The following ZNF280B variants were observed in gnomAD, a reference collection of about 807,000 sequenced individuals.
The protein encoded by ZNF280B is zinc finger protein 280B, also known as suppressor of hairy wing homolog 2.
A neutral mutation model predicts 38.0 loss-of-function variants in ZNF280B; 16 were observed. The ratio of observed to expected loss-of-function variants is 0.42; its 90% confidence interval spans 0.28 to 0.64. ZNF280B has a LOEUF of 0.64. Among genes scored for constraint, ZNF280B ranks in the 30% least tolerant of loss-of-function variants. The pLI is 0.21. For synonymous variants in ZNF280B, 253 were observed against 230.6 expected, an observed-to-expected ratio of 1.10 and a Z score of -0.88; for missense variants, 581 against 639.6, an observed-to-expected ratio of 0.91 and a Z score of 0.99.
Position 22,489,196 on chromosome 22 carries a change from G to A in ZNF280B, c.203C>T (p.Ser68Leu), listed in dbSNP as rs955301387. ...SNILNRVTPG[S>L]WSRRKKYDHL... ...ATCATACTTTTTTCTCCTTGACCAT[G>A]AACCCGGGGTGACTCTGTTCAAAAT... The change falls in exon 4 of 4, where the codon TCA (serine) becomes TTA (leucine). Residue 68 changes from serine (S) to leucine (L), a missense_variant. Physicochemically the swap from Ser to Leu is moderately radical, Grantham distance 145. Transcript: ENST00000626650. The A allele has an allele frequency of 8.1e-6, 13 of 1,613,612 alleles. No individual in the cohort carries two copies. Among genetic ancestry groups the A allele is most frequent in the Non-Finnish European group, 1.0e-5 (12 of 1,179,934 alleles).
intron 2 of ZNF280B, among the ~76,000 whole-genome samples, chr22:22,496,637 G>A (rs560870344): frequency 2.0e-4 from 31 of 151,710 alleles, no homozygotes; most frequent in African/African-American, 7.0e-4. Context: ...TATTTGTGGG[G>A]GTGGGGGACA....
intron 2 of ZNF280B, among the ~76,000 whole-genome samples, chr22:22,497,868 T>G (rs368997027): frequency 6.6e-6 from 1 of 151,924 alleles, no homozygotes. Context: ...CAAATCTAAG[T>G]ATACACTCAA....
Position 22,488,375 on chromosome 22 carries a change from G to A in ZNF280B, c.1024C>T (p.His342Tyr). 6.2e-7 allele frequency: 1 copy of A among 1,613,866 alleles called. No individual in the cohort carries two copies. Among genetic ancestry groups the A allele is most frequent in the Non-Finnish European group, 8.5e-7 (1 of 1,179,972 alleles). ...CGGTGGCAGTGCTGGCAGGTGGTGT[G>A]GTTTTCCCAGCTGTCGTTCCTCTGC... ...EKQRNDSWEN[H>Y]TTCQHCHRQF... Residue 342 changes from histidine to tyrosine, a missense_variant, in exon 4 of 4, where the codon CAC becomes TAC. Physicochemically the swap from His to Tyr is moderately conservative, Grantham distance 83. Transcript: ENST00000626650.
At chr22:22,504,669 T>C (rs1487120609) in intron 2 of ZNF280B, among the ~76,000 whole-genome samples, 1 of 152,010 alleles carries the variant, frequency 6.6e-6, no homozygotes, top group East Asian at 2.0e-4. Context: ...TGATGTTTGC[T>C]ATTTTAGTGG....
chr22:22,490,618 C>T (rs950570733), intron 3 of ZNF280B, among the ~76,000 whole-genome samples: 1 of 151,846 alleles, frequency 6.6e-6, no homozygotes, highest in Non-Finnish European at 1.5e-5. Context: ...CAGGCATGCA[C>T]CACCACACCC....
rs2061522823 is a variant in ZNF280B, at chr22:22,487,871, G to A, written c.1528C>T (p.Leu510Phe). ...GCTACATCCACTGATCCTGGCTGAA[G>A]AGGTTCCAGCGACACTTGAATAGTA... ...KVTIQVSLEP[L>F]QPGSVDVASI... The change falls in exon 4 of 4, where the codon CTT (leucine) becomes TTT (phenylalanine). Residue 510 changes from leucine to phenylalanine, a missense_variant. Leu to Phe is a conservative substitution (Grantham distance 22, BLOSUM62 0). Coordinates refer to ENST00000626650, the MANE Select transcript of ZNF280B (RefSeq NM_080764.4). The A allele has an allele frequency of 6.2e-7, 1 of 1,613,864 alleles. No homozygotes were observed. Among genetic ancestry groups the A allele is most frequent in the Non-Finnish European group, 8.5e-7 (1 of 1,179,934 alleles).
intron 2 of ZNF280B, among the ~76,000 whole-genome samples, chr22:22,497,208 TAAAAAAAAAAAAAA>T (rs71199486): frequency 0.021 from 700 of 33,556 alleles, 17 homozygotes; most frequent in African/African-American, 0.032. Flanking sequence ...TCTCCATCTT[TAAAAAAAAAAAAAA>T]AAAAAAAAAA....
rs200816739 is a variant in ZNF280B at position 22,488,011 on chromosome 22, G to A, written c.1388C>T (p.Ser463Phe). 1 of 1,613,472 alleles carries A rather than the reference G, an allele frequency of 6.2e-7. No homozygotes were observed. The highest frequency in any genetic ancestry group is 8.5e-7 in the Non-Finnish European group (1 of 1,179,860). The change falls in exon 4 of 4, where the codon TCC becomes TTC. Residue 463 changes from serine (S) to phenylalanine (F), a missense_variant. Physicochemically the swap from Ser to Phe is radical, Grantham distance 155 (BLOSUM62 -2). Coordinates refer to ENST00000626650, the MANE Select transcript of ZNF280B (RefSeq NM_080764.4). ...AGTTAAAAACTGTAGCCGGCACTTG[G>A]AACACTGGTGTGCACTCTTTCCCCA... ...GHWGKSAHQC[S>F]KCRLQFLTFK...
chr22:22,490,319 G>A (rs908608580), intron 3 of ZNF280B, among the ~76,000 whole-genome samples: 1 of 151,772 alleles, frequency 6.6e-6, no homozygotes, highest in Non-Finnish European at 1.5e-5. Context: ...ACCCTCAAAC[G>A]GCTTTCTGAT....
intron 2 of ZNF280B, among the ~76,000 whole-genome samples, chr22:22,504,561 G>C (rs1355484595): frequency 6.6e-6 from 1 of 151,956 alleles, no homozygotes; most frequent in Admixed American, 6.6e-5. Context: ...AACTGAGCTG[G>C]TGGGAGGGAT....
intron 2 of ZNF280B, among the ~76,000 whole-genome samples, chr22:22,502,913 A>G (rs1029479010): frequency 6.6e-5 from 10 of 152,000 alleles, no homozygotes; most frequent in Non-Finnish European, 1.2e-4. Context: ...GGTGGGCCCT[A>G]AATGCCACCA....
chr22:22,501,977 C>G (rs113992096), intron 2 of ZNF280B, among the ~76,000 whole-genome samples: 15 of 151,236 alleles, frequency 9.9e-5, no homozygotes, highest in African/African-American at 3.6e-4. Context: ...CATCATGGCA[C>G]ACGCCTGTAG....
chr22:22,493,593 C>T (rs1450525275), intron 3 of ZNF280B, among the ~76,000 whole-genome samples: 1 of 151,900 alleles, frequency 6.6e-6, no homozygotes, highest in Non-Finnish European at 1.5e-5. Flanking sequence ...CCTTATAAGC[C>T]ATTTTAAATA....
At chr22:22,507,302 AT>A (rs916775340) in intron 2 of ZNF280B, among the ~76,000 whole-genome samples, 22 of 151,782 alleles carry the variant, frequency 1.4e-4, no homozygotes, top group Admixed American at 5.3e-4. Flanking sequence ...GAGGTAATAA[AT>A]TTTTTTTTAA....
chr22:22,502,756 A>G (rs1675226925), intron 2 of ZNF280B, among the ~76,000 whole-genome samples: 1 of 152,008 alleles, frequency 6.6e-6, no homozygotes, highest in Non-Finnish European at 1.5e-5. Flanking sequence ...AGCAGCTGCC[A>G]TGGGCTCGAT....
Position 22,487,880 on chromosome 22 carries a change from G to A in ZNF280B, c.1519C>T (p.Leu507=). Residue 507 remains leucine, a synonymous_variant, in exon 4 of 4, where the codon CTG becomes TTG. Coordinates refer to ENST00000626650, the MANE Select transcript of ZNF280B (RefSeq NM_080764.4). ...ACTGATCCTGGCTGAAGAGGTTCCA[G>A]CGACACTTGAATAGTAACTTTTGTT... The part of the protein sequence containing the change: ...PETKVTIQVS[L]EPLQPGSVDV... 1 of 1,613,820 alleles carries A rather than the reference G, an allele frequency of 6.2e-7. No individual in the cohort carries two copies. The highest frequency in any genetic ancestry group is 1.3e-5 in the African/African-American group (1 of 74,978).
rs756391829 is a variant in ZNF280B, at chr22:22,489,437, T to C, written c.-39A>G. The C allele has an allele frequency of 6.5e-7, 1 of 1,527,708 alleles. No homozygotes were observed. The highest frequency in any genetic ancestry group is 8.8e-7 in the Non-Finnish European group (1 of 1,138,368). The allele number at this position is 1,527,708 out of a possible 1,614,324, so 94.6% of individuals were successfully genotyped here. On this transcript the variant is annotated 5_prime_UTR_variant, in exon 4 of 4. Coordinates refer to ENST00000626650, the MANE Select transcript of ZNF280B (RefSeq NM_080764.4). Reference sequence around the variant, plus strand: ...TATTCCTGAATGGTGGGGCCACAAGTCCCAATGCTTCCTTTATATAAACTG... The same window carrying C: ...TATTCCTGAATGGTGGGGCCACAAGCCCCAATGCTTCCTTTATATAAACTG...
At chr22:22,490,962 C>T (rs1464557020) in intron 3 of ZNF280B, among the ~76,000 whole-genome samples, 1 of 151,788 alleles carries the variant, frequency 6.6e-6, no homozygotes, top group Non-Finnish European at 1.5e-5. Flanking sequence ...TCTCTTTTCC[C>T]TTTTCTTTCA....
At chr22:22,508,236 C>T (rs764114406) in intron 1 of ZNF280B, among the ~76,000 whole-genome samples, 3 of 151,874 alleles carry the variant, frequency 2.0e-5, no homozygotes, top group Non-Finnish European at 4.4e-5. Flanking sequence ...GGGGTCTGGG[C>T]CTACAGGTCT....
Sources: allele counts gnomAD v4.1 joint callset (sites outside exome capture counted in the v4.1 genomes callset), GRCh38; gene constraint gnomAD v4.1.1; transcripts MANE v1.5; gene names NCBI Gene and HGNC (gene_info 2026-07-23, HGNC 2026-07-21).